APPL2: variants seen among roughly 807,000 people sequenced by gnomAD.
APPL2 encodes DCC-interacting protein 13-beta.
APPL2 carries 84 observed loss-of-function variants against 92.7 expected under a neutral mutation model. The observed-to-expected ratio is 0.91, with a 90% confidence interval of 0.76 to 1.09. The LOEUF (loss-of-function observed/expected upper bound fraction) is 1.09, where lower values mean the gene tolerates loss of function less well. Ranked by LOEUF, APPL2 falls within the 50% of genes least tolerant of loss-of-function variation. The pLI is 0.00. For missense variants in APPL2, 736 were observed against 824.5 expected (o/e 0.89, Z 1.31); for synonymous variants, 291 against 291.0 (o/e 1.00, Z 0.00).
Position 105,218,118 on chromosome 12 carries a change from T to C in APPL2, c.154-393A>G, listed in dbSNP as rs1889836850. Among the ~76,000 whole-genome samples the C allele has an allele frequency of 3.3e-5, 4 of 119,826 alleles. No individual in the cohort carries two copies. The South Asian group carries it at 1.0e-3, about 31-fold the overall frequency. The allele number at this position is 119,826 out of a possible 152,430, so 78.6% of individuals were successfully genotyped here. A position where few individuals can be genotyped will look rare whatever the true frequency, so the allele number is the denominator to read the frequency against. ...GTGAGACCTTGTCTCTAAAAAAAAATTATAAAAGAAAAAAAAATCCCTTTC... is the reference window on the plus strand; with the variant it reads ...GTGAGACCTTGTCTCTAAAAAAAAACTATAAAAGAAAAAAAAATCCCTTTC... On this transcript the variant is annotated intron_variant, in intron 2 of 20. Coordinates refer to ENST00000258530, the MANE Select transcript of APPL2 (RefSeq NM_018171.5).
chr12:105,192,971 C>T (rs571172621), intron 14 of APPL2, among the ~76,000 whole-genome samples: 1 of 152,318 alleles, frequency 6.6e-6, no homozygotes, highest in East Asian at 1.9e-4. Flanking sequence ...TTTCCCCCCC[C>T]ACTGTCATCA....
At chr12:105,223,984 C>T (rs1465462046) in intron 2 of APPL2, among the ~76,000 whole-genome samples, 2 of 152,160 alleles carry the variant, frequency 1.3e-5, no homozygotes, top group African/African-American at 4.8e-5. Context: ...TGAGCCAAGA[C>T]TGGAACTCAG....
At chr12:105,203,899 G>A (rs1566076432) in intron 8 of APPL2, 114 bp from the exon 9 acceptor site, 8 of 827,508 alleles carry the variant, frequency 9.7e-6, no homozygotes, top group African/African-American at 3.4e-5. Flanking sequence ...GGCCCGCCTC[G>A]CACGCGGCAC....
At chr12:105,179,112 T>A (rs754406534) in intron 17 of APPL2, among the ~76,000 whole-genome samples, 1 of 152,154 alleles carries the variant, frequency 6.6e-6, no homozygotes, top group Admixed American at 6.5e-5. Flanking sequence ...CATTAGGTAT[T>A]TCTCCTAATG....
intron 14 of APPL2, among the ~76,000 whole-genome samples, chr12:105,190,909 G>A (rs751850638): frequency 1.3e-5 from 2 of 152,196 alleles, no homozygotes; most frequent in African/African-American, 2.4e-5. Context: ...TCAGAATACT[G>A]TAATTTAACT....
In APPL2 at chr12:105,176,682, A is replaced by G; in HGVS notation, c.1812+194T>C. On this transcript the variant is annotated intron_variant, in intron 19 of 20. Transcript: ENST00000258530. ...TTCCTCATTCACCCTATTCTGGTTGATAGGTATTTTCCACAGAGAAATTTA... is the reference window on the plus strand; with the variant it reads ...TTCCTCATTCACCCTATTCTGGTTGGTAGGTATTTTCCACAGAGAAATTTA... 3 of 636,848 alleles carry G rather than the reference A, an allele frequency of 4.7e-6. No individual in the cohort carries two copies. The South Asian group carries it at 7.3e-5, about 16-fold the overall frequency. 39.4% of individuals were successfully genotyped at this position (636,848 alleles called of 1,614,324 possible). A position where few individuals can be genotyped will look rare whatever the true frequency, so the allele number is the denominator to read the frequency against.
intron 19 of APPL2, 160 bp from the exon 20 acceptor site, chr12:105,176,242 T>G (rs751342927): frequency 1.6e-6 from 1 of 616,842 alleles, no homozygotes; most frequent in Non-Finnish European, 2.8e-6. Flanking sequence ...GCCCGGGGCA[T>G]TTGCGTCCAA....
At chr12:105,205,288 G>C (rs1156291613) in intron 8 of APPL2, among the ~76,000 whole-genome samples, 1 of 152,232 alleles carries the variant, frequency 6.6e-6, no homozygotes, top group African/African-American at 2.4e-5. Flanking sequence ...CATAGGGAAA[G>C]GGCCTACTTG....
intron 8 of APPL2, among the ~76,000 whole-genome samples, chr12:105,204,705 C>T (rs1047380766): frequency 1.3e-5 from 2 of 152,132 alleles, no homozygotes; most frequent in Non-Finnish European, 2.9e-5. Context: ...TCATGGTGGC[C>T]TCCCTCTCCT....
intron 14 of APPL2, among the ~76,000 whole-genome samples, chr12:105,191,305 C>T (rs911422861): frequency 3.3e-5 from 5 of 152,224 alleles, no homozygotes; most frequent in South Asian, 2.1e-4. Flanking sequence ...ACCTGGTGGG[C>T]GAGCCAGATT....
intron 17 of APPL2, among the ~76,000 whole-genome samples, chr12:105,183,257 T>G (rs1004705131): frequency 6.6e-6 from 1 of 152,154 alleles, no homozygotes; most frequent in East Asian, 1.9e-4. Context: ...CCTGTTTACA[T>G]TTAAGGTTAA....
intron 3 of APPL2, 133 bp downstream of exon 3, chr12:105,217,533 G>A (rs1289050777): frequency 1.2e-6 from 1 of 821,372 alleles, no homozygotes; most frequent in South Asian, 1.8e-5. Context: ...TCAGTGGAAG[G>A]GAAAAGACAG....
At chr12:105,196,725 G>A (rs1887684448) in intron 11 of APPL2, among the ~76,000 whole-genome samples, 1 of 152,190 alleles carries the variant, frequency 6.6e-6, no homozygotes, top group South Asian at 2.1e-4. Flanking sequence ...ATAGGCGTGA[G>A]CCACTGTACC....
intron 18 of APPL2, 55 bp from the exon 19 acceptor site, chr12:105,177,071 A>G: frequency 6.2e-7 from 1 of 1,611,064 alleles, no homozygotes; most frequent in Non-Finnish European, 8.5e-7. Flanking sequence ...TTAAAAACTG[A>G]CAAGGCTACT....
intron 9 of APPL2, among the ~76,000 whole-genome samples, chr12:105,201,668 T>C (rs1271120088): frequency 6.6e-6 from 1 of 151,488 alleles, no homozygotes; most frequent in Admixed American, 6.6e-5. Context: ...AATTAACTGC[T>C]TTCAACTGGT....
At chr12:105,188,502 C>CT in intron 16 of APPL2, 55 bp from the exon 17 acceptor site, 1 of 1,590,476 alleles carries the variant, frequency 6.3e-7, no homozygotes, top group Non-Finnish European at 8.6e-7. Context: ...TGCTGTTGAT[C>CT]TGCATACCAG....
intron 8 of APPL2, 66 bp from the exon 9 acceptor site, chr12:105,203,851 TGAGACA>T: frequency 1.4e-6 from 2 of 1,436,360 alleles, no homozygotes; most frequent in Admixed American, 1.7e-5. Flanking sequence ...TCACTGAAGG[TGAGACA>T]GGCAGCGTGA....
intron 17 of APPL2, among the ~76,000 whole-genome samples, chr12:105,179,972 T>C (rs903315187): frequency 6.6e-6 from 1 of 152,220 alleles, no homozygotes; most frequent in African/African-American, 2.4e-5. Context: ...AGCTCTTTAG[T>C]TTAATTAGAC....
Position 105,176,001 on chromosome 12 carries a change from G to A in APPL2, c.1860+34C>T, listed in dbSNP as rs746899134. The A allele has an allele frequency of 1.0e-5, 16 of 1,534,378 alleles. No homozygotes were observed. In the South Asian group the frequency reaches 2.0e-4, roughly 20 times the overall value. Reference sequence around the variant, plus strand: ...GTATGTGTACACAGATGTGTTTTGAGTAGCTACTAAACCAGCGCTAGAATG... The same window carrying A: ...GTATGTGTACACAGATGTGTTTTGAATAGCTACTAAACCAGCGCTAGAATG... On this transcript the variant is annotated intron_variant, in intron 20 of 20. Coordinates refer to ENST00000258530, the MANE Select transcript of APPL2 (RefSeq NM_018171.5).
Sources: gnomAD v4.1 joint callset for allele counts (sites outside exome capture counted in the v4.1 genomes callset) on GRCh38, gnomAD v4.1.1 for gene constraint, MANE v1.5 for transcripts, NCBI Gene and HGNC (gene_info 2026-07-23, HGNC 2026-07-21) for gene names.